The following ARHGEF11 variants were observed in gnomAD, a reference collection of about 807,000 sequenced individuals.
ARHGEF11 encodes the protein Rho guanine exchange factor (GEF) 11.
Under a neutral mutation model 193.7 loss-of-function variants are expected in ARHGEF11, and 55 were observed. That is an observed-to-expected ratio of 0.28 (90% CI 0.23 to 0.36). The LOEUF is 0.36. Ranked by LOEUF, ARHGEF11 falls within the 10% of genes least tolerant of loss-of-function variation. ARHGEF11 has a pLI of 1.00. For synonymous variants in ARHGEF11, 693 were observed against 768.0 expected (o/e 0.90, Z 1.62); for missense variants, 1,723 against 2,005.6 (o/e 0.86, Z 2.69).
At chr1:156,944,994 G>A in intron 30 of ARHGEF11, 25 bp downstream of exon 30, 2 of 1,608,206 alleles carry the variant, frequency 1.2e-6, no homozygotes, top group Non-Finnish European at 1.7e-6. Context: ...GTGAGGGGTT[G>A]ACTGCTGCAG....
intron 7 of ARHGEF11, among the ~76,000 whole-genome samples, chr1:156,972,292 C>T (rs1056002770): frequency 6.6e-6 from 1 of 152,222 alleles, no homozygotes; most frequent in Non-Finnish European, 1.5e-5. Context: ...AGAGCAGGTA[C>T]CATCCTAGCC....
At chr1:157,013,437 C>T (rs1056833285) in intron 1 of ARHGEF11, among the ~76,000 whole-genome samples, 1 of 152,006 alleles carries the variant, frequency 6.6e-6, no homozygotes, top group African/African-American at 2.4e-5. Flanking sequence ...TTCCTCAAGC[C>T]CCTATGAATT....
chr1:156,967,956 G>A (rs772486543), intron 11 of ARHGEF11, 31 bp downstream of exon 11: 154 of 1,612,888 alleles, frequency 9.5e-5, no homozygotes, highest in Non-Finnish European at 2.5e-5. Flanking sequence ...CTGAGAAAAG[G>A]AAAACTGCAG....
chr1:157,043,112 G>C (rs1171818581), intron 1 of ARHGEF11, among the ~76,000 whole-genome samples: 1 of 152,226 alleles, frequency 6.6e-6, no homozygotes, highest in Non-Finnish European at 1.5e-5. Flanking sequence ...GAGAGAGAGA[G>C]ATTATATGCA....
At position 156,950,097 on chromosome 1, in the gene ARHGEF11, A is replaced by G. The variant is rs541714081; in HGVS notation, c.1925+1476T>C. Among the ~76,000 whole-genome samples the G allele has an allele frequency of 2.0e-5, 3 of 152,346 alleles. No individual in the cohort carries two copies. The South Asian group carries it at 6.2e-4, about 32-fold the overall frequency. ...GTCTTATAATCTTAAAATATTTGATATATCTACGACATCATGTGCTTCCAC... is the reference window on the plus strand; with the variant it reads ...GTCTTATAATCTTAAAATATTTGATGTATCTACGACATCATGTGCTTCCAC... On this transcript the variant is annotated intron_variant, in intron 22 of 40. Coordinates refer to ENST00000368194, the MANE Select transcript of ARHGEF11 (RefSeq NM_198236.3).
intron 28 of ARHGEF11, 59 bp from the exon 29 acceptor site, chr1:156,946,221 G>A (rs1192729825): frequency 7.0e-7 from 1 of 1,429,030 alleles, no homozygotes; most frequent in African/African-American, 1.4e-5. Flanking sequence ...GCTGGCTTAT[G>A]GGCTCAGGGC....
chr1:156,943,083 C>T (rs973494629), intron 32 of ARHGEF11, among the ~76,000 whole-genome samples: 2 of 82,440 alleles, frequency 2.4e-5, no homozygotes, highest in East Asian at 4.2e-4. Context: ...TTTTTTGAAA[C>T]GGATTCTTGC....
At chr1:156,936,342 C>T (rs1173179450) in intron 40 of ARHGEF11, 15 of 557,136 alleles carry the variant, frequency 2.7e-5, no homozygotes, top group East Asian at 1.6e-4. Context: ...TTAATCAGCA[C>T]GAGTCTTAGG....
rs4504881 is a variant in ARHGEF11 at position 156,976,848 on chromosome 1, C to G, written c.582+135G>C. ...GGCCAATGACAATTCTTTAGTGGTCCGGAAGTTTTATTTTTTGAGGTTTTA... is the reference window on the plus strand; with the variant it reads ...GGCCAATGACAATTCTTTAGTGGTCGGGAAGTTTTATTTTTTGAGGTTTTA... On this transcript the variant is annotated intron_variant, in intron 7 of 40. Transcript: ENST00000368194. 7 of 761,110 alleles carry G rather than the reference C, an allele frequency of 9.2e-6. No individual in the cohort carries two copies. In the African/African-American group the frequency reaches 1.2e-4, roughly 13 times the overall value. 47.1% of individuals were successfully genotyped at this position (761,110 alleles called of 1,614,324 possible). A position where few individuals can be genotyped will look rare whatever the true frequency, so the allele number is the denominator to read the frequency against.
intron 1 of ARHGEF11, among the ~76,000 whole-genome samples, chr1:156,997,341 G>A (rs1325024151): frequency 6.6e-6 from 1 of 152,212 alleles, no homozygotes; most frequent in African/African-American, 2.4e-5. Flanking sequence ...AGGTTATGGA[G>A]GGCCTTAAAC....
chr1:156,938,469 C>T lies in ARHGEF11; in HGVS notation c.4141G>A (p.Gly1381Ser), dbSNP rs1222555149. The T allele has an allele frequency of 6.2e-7, 1 of 1,613,786 alleles. No homozygotes were observed. Among genetic ancestry groups the T allele is most frequent in the East Asian group, 2.2e-5 (1 of 44,856 alleles). ...TCAGGTGGCCCAGGCTCTGACTGGC[C>T]ACTCTCTGGTAGTGCAGGGACAACC... ...SKVVPALPES[G>S]QSEPGPPEVE... is the part of the protein sequence containing the mutation. The change falls in exon 38 of 41, where the codon GGC becomes AGC. Residue 1381 changes from glycine to serine, a missense_variant. By Grantham distance (56) the Gly-to-Ser change is moderately conservative. Around this residue, in one of 5 missense-constraint regions of ARHGEF11, gnomAD observed 360 missense variants for 344.4 expected, o/e 1.05. Coordinates refer to ENST00000368194, the MANE Select transcript of ARHGEF11 (RefSeq NM_198236.3).
In ARHGEF11 at chr1:156,978,233, G is replaced by T. The variant is rs1221119747; in HGVS notation, c.481C>A (p.Gln161Lys). Residue 161 changes from glutamine (Q) to lysine (K), a missense_variant, in exon 6 of 41, where the codon CAA becomes AAA. This residue lies in a region of ARHGEF11 where 646 missense variants were observed against 710.7 expected (regional missense o/e 0.91). Coordinates refer to ENST00000368194, the MANE Select transcript of ARHGEF11 (RefSeq NM_198236.3). The stretch of plus-strand genomic sequence containing the variant: ...AGAGGTTTGGGTCCTGTGATGCGTT[G>T]TGGAGGTGGTAGAGGTGGAGGAGGT... ...PPPPPPLPPP[Q>K]RITGPKPLQD... 1.5e-5 allele frequency: 25 copies of T among 1,614,074 alleles called. No individual in the cohort carries two copies. Among genetic ancestry groups the T allele is most frequent in the Non-Finnish European group, 1.9e-5 (23 of 1,180,038 alleles).
At chr1:156,983,634 C>T (rs1241072027) in intron 3 of ARHGEF11, among the ~76,000 whole-genome samples, 1 of 152,196 alleles carries the variant, frequency 6.6e-6, no homozygotes, top group Non-Finnish European at 1.5e-5. Flanking sequence ...CAATTGGTAA[C>T]TTGATGGATT....
chr1:156,946,795 G>A lies in ARHGEF11; in HGVS notation c.2569-8C>T, dbSNP rs1325682564. The A allele has an allele frequency of 6.2e-7, 1 of 1,614,206 alleles. No individual in the cohort carries two copies. The highest frequency in any genetic ancestry group is 8.5e-7 in the Non-Finnish European group (1 of 1,180,042). On this transcript the variant is annotated splice_region_variant and splice_polypyrimidine_tract_variant and intron_variant, in intron 27 of 40. Coordinates refer to ENST00000368194, the MANE Select transcript of ARHGEF11 (RefSeq NM_198236.3). ...TCGGGCAGGGCCATCAAACTGAAGAGGCAGAATGGACACGGGGCCAGGCAT... is the reference window on the plus strand; with the variant it reads ...TCGGGCAGGGCCATCAAACTGAAGAAGCAGAATGGACACGGGGCCAGGCAT...
At chr1:157,039,079 A>G (rs1434484613) in intron 1 of ARHGEF11, among the ~76,000 whole-genome samples, 1 of 152,112 alleles carries the variant, frequency 6.6e-6, no homozygotes, top group Non-Finnish European at 1.5e-5. Context: ...GGGGCCATGG[A>G]TTTCTCAGTT....
At chr1:157,046,632 G>A (rs861086), upstream of ARHGEF11, among the ~76,000 whole-genome samples, 147,307 of 152,252 alleles carry the variant, frequency 0.97, 71,463 homozygotes, top group Middle Eastern at 1. Flanking sequence ...CAGGCTGTGT[G>A]AAGTGTCTTT....
At chr1:157,041,816 A>G (rs1672786772) in intron 1 of ARHGEF11, among the ~76,000 whole-genome samples, 1 of 152,116 alleles carries the variant, frequency 6.6e-6, no homozygotes, top group Admixed American at 6.5e-5. Context: ...TGTGGTCTTC[A>G]AGAGTCTTAC....
intron 1 of ARHGEF11, among the ~76,000 whole-genome samples, chr1:157,023,747 C>T (rs147117397): frequency 0.014 from 1,923 of 137,928 alleles, 39 homozygotes; most frequent in African/African-American, 0.049. Flanking sequence ...GCCTGGGCAA[C>T]AGAGCGAGAC....
intron 38 of ARHGEF11, 83 bp from the exon 39 acceptor site, chr1:156,937,579 C>T: frequency 7.0e-7 from 1 of 1,433,010 alleles, no homozygotes; most frequent in South Asian, 1.4e-5. Context: ...ATTCCCCAGC[C>T]ACCTGACAGA....
Sources: allele counts gnomAD v4.1 joint callset (sites outside exome capture counted in the v4.1 genomes callset), GRCh38; gene constraint gnomAD v4.1.1; regional missense constraint gnomAD v4.1.1; transcripts MANE v1.5; gene names NCBI Gene and HGNC (gene_info 2026-07-23, HGNC 2026-07-21).